Variants in RBMS3 observed in about 807,000 individuals in gnomAD.
The protein encoded by RBMS3 is RNA binding motif single stranded interacting protein 3, also known as RNA-binding motif, single-stranded-interacting protein 3.
In RBMS3, 27 loss-of-function variants were observed where a neutral mutation model predicts 66.8. The ratio of observed to expected loss-of-function variants is 0.40; its 90% CI spans 0.30 to 0.56. The LOEUF is 0.56. Ranked by LOEUF, RBMS3 falls within the 20% of genes least tolerant of loss-of-function variation. RBMS3 has a pLI of 0.40. For synonymous variants in RBMS3, 188 were observed against 183.0 expected, an observed-to-expected ratio of 1.03 and a Z score of -0.22; for missense variants, 513 against 549.5, an observed-to-expected ratio of 0.93 and a Z score of 0.66.
intron 1 of RBMS3, among the ~76,000 whole-genome samples, chr3:29,317,621 ATAAT>A (rs888175393): frequency 4.5e-4 from 68 of 152,002 alleles, no homozygotes; most frequent in Middle Eastern, 3.4e-3. Context: ...CGCTCTGTAA[ATAAT>A]TAATTAATTT....
intron 1 of RBMS3, among the ~76,000 whole-genome samples, chr3:29,371,095 G>A (rs535811266): frequency 2.0e-5 from 3 of 152,268 alleles, no homozygotes; most frequent in South Asian, 2.1e-4. Context: ...TTCCCAAAAC[G>A]CTGTGTTAAA....
intron 12 of RBMS3, among the ~76,000 whole-genome samples, chr3:29,959,314 G>C (rs1449293): frequency 0.4 from 60,766 of 152,038 alleles, 15,628 homozygotes; most frequent in African/African-American, 0.73. Flanking sequence ...ATTTTTTAAA[G>C]CAATAGTTCT....
At chr3:29,309,881 A>G (rs944733520) in intron 1 of RBMS3, among the ~76,000 whole-genome samples, 2 of 151,678 alleles carry the variant, frequency 1.3e-5, no homozygotes, top group African/African-American at 4.8e-5. Context: ...AACTAGAGGC[A>G]TTAGTAGTGC....
chr3:29,418,611 G>A (rs904177294), intron 1 of RBMS3, among the ~76,000 whole-genome samples: 7 of 151,894 alleles, frequency 4.6e-5, no homozygotes, highest in East Asian at 3.9e-4. Context: ...GGAGGATTTC[G>A]GCATTAAAAA....
chr3:29,959,069 C>A (rs1017056527), intron 12 of RBMS3, among the ~76,000 whole-genome samples: 2 of 152,076 alleles, frequency 1.3e-5, no homozygotes, highest in Non-Finnish European at 2.9e-5. Flanking sequence ...GCTGAGCAGG[C>A]AGCATATGGT....
At chr3:29,444,399 CCATGA>C (rs1205757937) in intron 2 of RBMS3, among the ~76,000 whole-genome samples, 1 of 151,970 alleles carries the variant, frequency 6.6e-6, no homozygotes, top group African/African-American at 2.4e-5. Context: ...CATCTCTTAA[CCATGA>C]TCCATACATA....
chr3:29,532,954 T>A (rs1207414742), intron 3 of RBMS3, among the ~76,000 whole-genome samples: 1 of 152,196 alleles, frequency 6.6e-6, no homozygotes, highest in Non-Finnish European at 1.5e-5. Context: ...ATTACTTCGA[T>A]TTTTGAATTT....
chr3:29,876,030 C>T (rs1169231451), intron 7 of RBMS3, among the ~76,000 whole-genome samples: 1 of 152,162 alleles, frequency 6.6e-6, no homozygotes, highest in Non-Finnish European at 1.5e-5. Flanking sequence ...TGTTCTCTGA[C>T]CATTTAGCTA....
intron 4 of RBMS3, among the ~76,000 whole-genome samples, chr3:29,708,973 G>A (rs928556498): frequency 5.3e-5 from 8 of 152,250 alleles, no homozygotes; most frequent in Admixed American, 3.9e-4. Context: ...ACTGATCAGT[G>A]TGATTGTATT....
chr3:29,475,003 T>C (rs1385141802), intron 2 of RBMS3, among the ~76,000 whole-genome samples: 1 of 152,066 alleles, frequency 6.6e-6, no homozygotes, highest in Non-Finnish European at 1.5e-5. Flanking sequence ...ATATAAAGCA[T>C]TGTGAAGGGC....
chr3:29,992,844 G>T (rs1030527755), intron 14 of RBMS3, among the ~76,000 whole-genome samples: 1 of 130,696 alleles, frequency 7.7e-6, no homozygotes, highest in Non-Finnish European at 1.8e-5. Flanking sequence ...TCATATCAAC[G>T]ATAGGCTATT....
At chr3:29,874,072 T>C (rs1350891992) in intron 7 of RBMS3, among the ~76,000 whole-genome samples, 1 of 152,178 alleles carries the variant, frequency 6.6e-6, no homozygotes, top group African/African-American at 2.4e-5. Flanking sequence ...CCCTTGTCTT[T>C]AGTTGAATCT....
rs1336071386 is a variant in RBMS3, at chr3:29,455,772, C to T, written c.248+20857C>T. ...AGCACTTTACCACTACACGTGGGGA[C>T]CATTTTAAACAGCAAAATCACACAC... On this transcript the variant is annotated intron_variant, in intron 2 of 14. Transcript: ENST00000383767. 1.1e-4 allele frequency among the ~76,000 whole-genome samples: 17 copies of T among 151,228 alleles called. No individual in the cohort carries two copies. The Admixed American group carries it at 1.1e-3, about 10-fold the overall frequency.
intron 1 of RBMS3, among the ~76,000 whole-genome samples, chr3:29,361,932 T>C (rs1479567718): frequency 6.6e-6 from 1 of 152,218 alleles, no homozygotes; most frequent in Non-Finnish European, 1.5e-5. Flanking sequence ...CATTGGTTAT[T>C]CTAGTTAGCC....
chr3:29,806,378 G>T (rs2057548234), intron 6 of RBMS3, among the ~76,000 whole-genome samples: 1 of 151,918 alleles, frequency 6.6e-6, no homozygotes, highest in Admixed American at 6.6e-5. Flanking sequence ...CACAGACACA[G>T]GTAGCCTGAT....
chr3:29,928,182 A>ATT (rs36082098), intron 10 of RBMS3, among the ~76,000 whole-genome samples: 1 of 102,146 alleles, frequency 9.8e-6, no homozygotes, highest in East Asian at 3.1e-4. Flanking sequence ...TTCAAATTTT[A>ATT]TATATATATA....
At chr3:29,754,101 G>A (rs2055305013) in intron 5 of RBMS3, among the ~76,000 whole-genome samples, 1 of 151,938 alleles carries the variant, frequency 6.6e-6, no homozygotes, top group Non-Finnish European at 1.5e-5. Context: ...GAGATTACAG[G>A]CGCCCACCAC....
intron 6 of RBMS3, chr3:29,767,404 T>C (rs569782355): frequency 6.7e-6 from 1 of 150,238 alleles, no homozygotes; most frequent in South Asian, 2.1e-4. Flanking sequence ...ACTCTTTACA[T>C]AATTGTTTCT....
At chr3:29,801,073 A>G (rs2057373520) in intron 6 of RBMS3, among the ~76,000 whole-genome samples, 1 of 151,820 alleles carries the variant, frequency 6.6e-6, no homozygotes, top group Non-Finnish European at 1.5e-5. Flanking sequence ...GTACTACTGA[A>G]AGTCAGTGTA....
Sources: gnomAD v4.1 joint callset for allele counts (sites outside exome capture counted in the v4.1 genomes callset) on GRCh38, gnomAD v4.1.1 for gene constraint, MANE v1.5 for transcripts, NCBI Gene and HGNC (gene_info 2026-07-23, HGNC 2026-07-21) for gene names.